Variants in AXDND1 observed in about 807,000 individuals in gnomAD.
AXDND1 encodes the protein axonemal dynein light chain domain containing 1, also known as axonemal dynein light chain domain-containing protein 1.
A neutral mutation model predicts 137.5 loss-of-function variants in AXDND1; 110 were observed. The observed-to-expected ratio is 0.80, with a 90% CI of 0.69 to 0.94. The LOEUF is 0.94. Ranked by LOEUF, AXDND1 falls within the 40% of genes least tolerant of loss-of-function variation. The pLI, the probability that AXDND1 is intolerant of heterozygous loss-of-function variation, is 0.00. For missense variants in AXDND1, 1,191 were observed against 1,169.8 expected (o/e 1.02, Z -0.26); for synonymous variants, 414 against 399.7 (o/e 1.04, Z -0.43).
chr1:179,407,461 G>A (rs1049485439), intron 11 of AXDND1, among the ~76,000 whole-genome samples: 2 of 152,034 alleles, frequency 1.3e-5, no homozygotes, highest in African/African-American at 2.4e-5. Context: ...TCCTGACCTC[G>A]TGATCTGCCT....
chr1:179,444,880 T>A, intron 15 of AXDND1, 90 bp from the exon 16 acceptor site: 1 of 804,336 alleles, frequency 1.2e-6, no homozygotes, highest in Non-Finnish European at 2.0e-6. Context: ...CCAAAATAAT[T>A]GGGAGTCACT....
chr1:179,548,144 T>A (rs1672817517), intron 25 of AXDND1, among the ~76,000 whole-genome samples: 2 of 152,224 alleles, frequency 1.3e-5, no homozygotes, highest in Admixed American at 1.3e-4. Context: ...CCATCGGGGC[T>A]GCCTTTCACA....
At chr1:179,461,891 A>G (rs1356262172) in intron 16 of AXDND1, among the ~76,000 whole-genome samples, 6 of 152,130 alleles carry the variant, frequency 3.9e-5, no homozygotes, top group Admixed American at 6.5e-5. Flanking sequence ...TTGCACATTG[A>G]TTTTGTATCC....
intron 18 of AXDND1, among the ~76,000 whole-genome samples, chr1:179,489,777 G>T (rs1451485899): frequency 1.6e-5 from 2 of 124,094 alleles, no homozygotes; most frequent in African/African-American, 6.4e-5. Flanking sequence ...ACGGAGTCTC[G>T]CTCTGTCGCC....
rs397729594 is a variant in AXDND1 at position 179,366,379 on chromosome 1, T to TA, written c.-106-22dup. The TA allele has an allele frequency of 9.1e-4, 548 of 603,820 alleles. 1 individual carries two copies. The highest frequency in any genetic ancestry group is 5.0e-3 in the South Asian group (252 of 50,026). 37.4% of individuals were successfully genotyped at this position (603,820 alleles called of 1,614,324 possible). On this transcript the variant is annotated intron_variant, in intron 1 of 25. Coordinates refer to ENST00000367618, the MANE Select transcript of AXDND1 (RefSeq NM_144696.6). The stretch of plus-strand genomic sequence containing the variant: ...TAGTTGTCATCTTTTTTTTTTTTTT[T>TA]AAATCTTTTTTCCTCTGCCTGCAGG...
intron 17 of AXDND1, among the ~76,000 whole-genome samples, chr1:179,471,317 C>T (rs999016690): frequency 1.3e-5 from 2 of 152,092 alleles, no homozygotes; most frequent in African/African-American, 2.4e-5. Context: ...TCATCTTTGG[C>T]TCTTTGGGAG....
chr1:179,368,338 A>T (rs1667678530), intron 2 of AXDND1, among the ~76,000 whole-genome samples: 1 of 151,870 alleles, frequency 6.6e-6, no homozygotes, highest in African/African-American at 2.4e-5. Flanking sequence ...GAGCCTTTCC[A>T]CTCTATAAAT....
intron 12 of AXDND1, among the ~76,000 whole-genome samples, chr1:179,420,075 G>A (rs1438201750): frequency 2.0e-5 from 3 of 152,172 alleles, no homozygotes; most frequent in African/African-American, 7.2e-5. Context: ...TTAACTGTGG[G>A]TTTGCCATAT....
Position 179,534,789 on chromosome 1 carries a change from TTCATCATACCC to T in AXDND1, c.2860_2870del (p.His954TyrfsTer4). ...AAGTTTGAAGATGCATATGAGAAAC[TTCATCATACCC>T]TTATAAAAAATAAAGATCTAGAGGA... On this transcript the variant is annotated frameshift_variant, in exon 25 of 26. Transcript: ENST00000367618. LOFTEE classifies it high-confidence loss of function. 1 of 1,603,122 alleles carries T rather than the reference TTCATCATACCC, an allele frequency of 6.2e-7. No homozygotes were observed. Among genetic ancestry groups the T allele is most frequent in the Non-Finnish European group, 8.5e-7 (1 of 1,177,662 alleles).
upstream of AXDND1, chr1:179,365,747 C>T (rs1011846892): frequency 2.0e-5 from 3 of 152,452 alleles, no homozygotes; most frequent in Non-Finnish European, 4.4e-5. Context: ...CAGGAAGCCC[C>T]GGCGTGAGAC....
chr1:179,429,100 C>G (rs1444796586), intron 12 of AXDND1, among the ~76,000 whole-genome samples: 2 of 151,964 alleles, frequency 1.3e-5, no homozygotes, highest in Admixed American at 6.6e-5. Context: ...TGGTGTGAAC[C>G]CGGGAGTTGG....
In AXDND1 at chr1:179,385,276, C is replaced by A; in HGVS notation, c.780C>A (p.Thr260=). 1 of 1,611,624 alleles carries A rather than the reference C, an allele frequency of 6.2e-7. No individual in the cohort carries two copies. The highest frequency in any genetic ancestry group is 1.3e-5 in the African/African-American group (1 of 74,938). Residue 260 remains threonine (T), a synonymous_variant, in exon 9 of 26, where the codon ACC becomes ACA. Transcript: ENST00000367618. ...TACATATATTGAAGAAGGAACAGAC[C>A]ATTTACAACATGATATTTCATGAAC... ...KLLHILKKEQ[T]IYNMIFHELI...
chr1:179,369,940 C>CTGCTGGA, intron 3 of AXDND1, 35 bp from the exon 4 acceptor site: 1 of 1,502,478 alleles, frequency 6.7e-7, no homozygotes, highest in South Asian at 1.1e-5. Context: ...AGATCGCCCT[C>CTGCTGGA]TGCTGGATAT....
chr1:179,519,820 G>A (rs1669886585), intron 21 of AXDND1, among the ~76,000 whole-genome samples: 1 of 152,186 alleles, frequency 6.6e-6, no homozygotes, highest in African/African-American at 2.4e-5. Context: ...GTTGGGTAGT[G>A]TGATGCTTTC....
intron 20 of AXDND1, among the ~76,000 whole-genome samples, chr1:179,493,913 A>G (rs1667183918): frequency 6.6e-6 from 1 of 152,140 alleles, no homozygotes; most frequent in Non-Finnish European, 1.5e-5. Flanking sequence ...TGAGAGTTCC[A>G]GTTGCTTTAC....
intron 15 of AXDND1, among the ~76,000 whole-genome samples, chr1:179,440,910 G>A (rs1200876696): frequency 6.6e-6 from 1 of 152,200 alleles, no homozygotes; most frequent in Admixed American, 6.5e-5. Flanking sequence ...CTGAATGACT[G>A]TAATTAGCTC....
intron 17 of AXDND1, among the ~76,000 whole-genome samples, chr1:179,481,021 A>G (rs1406688393): frequency 1.3e-5 from 2 of 151,270 alleles, no homozygotes; most frequent in African/African-American, 4.9e-5. Flanking sequence ...TCTAGGGTAC[A>G]TGTGCACAAC....
chr1:179,474,546 C>T (rs1306860264), intron 17 of AXDND1, among the ~76,000 whole-genome samples: 3 of 152,168 alleles, frequency 2.0e-5, no homozygotes, highest in Non-Finnish European at 4.4e-5. Flanking sequence ...GAATAAAAGT[C>T]ACCCTTGCTA....
At chr1:179,405,311 C>A (rs1652780670) in intron 11 of AXDND1, among the ~76,000 whole-genome samples, 1 of 152,292 alleles carries the variant, frequency 6.6e-6, no homozygotes, top group South Asian at 2.1e-4. Context: ...TTTCTTAATC[C>A]AGTCTATCAT....
Sources: gnomAD v4.1 joint callset for allele counts (sites outside exome capture counted in the v4.1 genomes callset) on GRCh38, gnomAD v4.1.1 for gene constraint, MANE v1.5 for transcripts, NCBI Gene and HGNC (gene_info 2026-07-23, HGNC 2026-07-21) for gene names.